SLC10A7: variants seen among roughly 807,000 people sequenced by gnomAD.
The protein encoded by SLC10A7 is sodium/bile acid cotransporter 7.
A neutral mutation model predicts 43.2 loss-of-function variants in SLC10A7; 29 were observed. The ratio of observed to expected loss-of-function variants is 0.67; its 90% CI spans 0.50 to 0.92. The LOEUF (loss-of-function observed/expected upper bound fraction) is 0.92, where lower values mean the gene tolerates loss of function less well. Ranked by LOEUF, SLC10A7 falls within the 40% of genes least tolerant of loss-of-function variation. The pLI is 0.00. For missense variants in SLC10A7, 295 were observed against 403.2 expected, an observed-to-expected ratio of 0.73 and a Z score of 2.30; for synonymous variants, 152 against 144.8, an observed-to-expected ratio of 1.05 and a Z score of -0.35.
At chr4:146,326,120 A>C (rs1243067002) in intron 5 of SLC10A7, 124 bp from the exon 6 acceptor site, 2 of 732,314 alleles carry the variant, frequency 2.7e-6, no homozygotes, top group Admixed American at 5.9e-5. Flanking sequence ...AAAATCTAGG[A>C]GATAAAGAGG....
intron 4 of SLC10A7, among the ~76,000 whole-genome samples, chr4:146,501,128 C>T (rs1357072780): frequency 1.3e-5 from 2 of 152,138 alleles, no homozygotes; most frequent in Non-Finnish European, 2.9e-5. Flanking sequence ...AGTCCTTGAA[C>T]CTCTTCTCTT....
intron 6 of SLC10A7, among the ~76,000 whole-genome samples, chr4:146,307,884 C>T (rs1027836853): frequency 3.3e-5 from 5 of 151,768 alleles, no homozygotes; most frequent in African/African-American, 9.7e-5. Context: ...TTTAAGCACC[C>T]CAAAATAAAG....
intron 6 of SLC10A7, 33 bp downstream of exon 6, chr4:146,325,928 A>G: frequency 6.3e-7 from 1 of 1,589,674 alleles, no homozygotes; most frequent in East Asian, 2.3e-5. Context: ...AGCTTTTAAT[A>G]AAATATATTA....
intron 5 of SLC10A7, among the ~76,000 whole-genome samples, chr4:146,374,641 C>CACACACAG (rs1553963535): frequency 4.2e-5 from 6 of 142,890 alleles, no homozygotes; most frequent in African/African-American, 1.6e-4. Context: ...CACACACACA[C>CACACACAG]ACACACACAC....
At chr4:146,396,777 C>T (rs1056553067) in intron 5 of SLC10A7, among the ~76,000 whole-genome samples, 29 of 150,392 alleles carry the variant, frequency 1.9e-4, no homozygotes, top group African/African-American at 5.9e-4. Context: ...ACACAAATTC[C>T]GGACCACTAC....
At chr4:146,474,666 T>A (rs1733879462) in intron 4 of SLC10A7, among the ~76,000 whole-genome samples, 1 of 152,164 alleles carries the variant, frequency 6.6e-6, no homozygotes, top group Non-Finnish European at 1.5e-5. Flanking sequence ...AATTATAGTA[T>A]GATTTCCAGC....
At chr4:146,317,880 T>G (rs921597841) in intron 6 of SLC10A7, among the ~76,000 whole-genome samples, 5 of 152,004 alleles carry the variant, frequency 3.3e-5, no homozygotes, top group Admixed American at 3.3e-4. Flanking sequence ...GGCCTTGGAC[T>G]GAATTACATC....
At chr4:146,434,098 T>A (rs1258711644) in intron 5 of SLC10A7, among the ~76,000 whole-genome samples, 3 of 152,046 alleles carry the variant, frequency 2.0e-5, no homozygotes, top group Non-Finnish European at 4.4e-5. Flanking sequence ...AAAATCAAGT[T>A]ATCAGAGTAG....
chr4:146,325,730 T>C (rs1733058344), intron 6 of SLC10A7, among the ~76,000 whole-genome samples: 1 of 152,192 alleles, frequency 6.6e-6, no homozygotes, highest in African/African-American at 2.4e-5. Flanking sequence ...AATATAATGA[T>C]TTAGCCAGGA....
intron 3 of SLC10A7, among the ~76,000 whole-genome samples, chr4:146,507,833 G>A (rs932455903): frequency 6.6e-6 from 1 of 152,134 alleles, no homozygotes; most frequent in Non-Finnish European, 1.5e-5. Flanking sequence ...TTCAAATTAG[G>A]GAGGGGAAGG....
chr4:146,281,333 A>G (rs1188314706), intron 10 of SLC10A7, among the ~76,000 whole-genome samples: 1 of 150,726 alleles, frequency 6.6e-6, no homozygotes, highest in Admixed American at 6.6e-5. Context: ...AACAGAGAAA[A>G]CCCTTTCTGG....
At chr4:146,466,398 A>C (rs1335295775) in intron 4 of SLC10A7, among the ~76,000 whole-genome samples, 1 of 151,810 alleles carries the variant, frequency 6.6e-6, no homozygotes, top group Non-Finnish European at 1.5e-5. Context: ...AAGTGGCCCC[A>C]CTTGGCTCCC....
At chr4:146,335,288 T>G (rs1733818019) in intron 5 of SLC10A7, among the ~76,000 whole-genome samples, 1 of 130,090 alleles carries the variant, frequency 7.7e-6, no homozygotes, top group Non-Finnish European at 1.6e-5. Flanking sequence ...AAAAGAGTCC[T>G]GGATCAGAGC....
chr4:146,302,646 A>C (rs1731240560), intron 7 of SLC10A7, among the ~76,000 whole-genome samples: 1 of 152,142 alleles, frequency 6.6e-6, no homozygotes, highest in Non-Finnish European at 1.5e-5. Flanking sequence ...AAGACACTCT[A>C]AACAGAAAGA....
intron 5 of SLC10A7, among the ~76,000 whole-genome samples, chr4:146,437,134 G>GT (rs1730277023): frequency 1.3e-5 from 2 of 152,060 alleles, no homozygotes; most frequent in Non-Finnish European, 2.9e-5. Flanking sequence ...TGGACTCTGA[G>GT]TATATGTGTG....
chr4:146,284,218 C>G (rs1729734256), intron 9 of SLC10A7, among the ~76,000 whole-genome samples: 1 of 152,128 alleles, frequency 6.6e-6, no homozygotes, highest in African/African-American at 2.4e-5. Flanking sequence ...TGAACTCTGA[C>G]AGAAGAGTTA....
chr4:146,382,013 A>G (rs763974266), intron 5 of SLC10A7, among the ~76,000 whole-genome samples: 4 of 152,080 alleles, frequency 2.6e-5, no homozygotes, highest in Non-Finnish European at 5.9e-5. Flanking sequence ...ATGTCTCCCA[A>G]TCTTAGAGAA....
chr4:146,404,030 C>CTTTTGT (rs141674946), intron 5 of SLC10A7, among the ~76,000 whole-genome samples: 1,615 of 152,014 alleles, frequency 0.011, 20 homozygotes, highest in African/African-American at 0.036. Context: ...CAACAGTGTG[C>CTTTTGT]TTTTGTTTTT....
intron 5 of SLC10A7, among the ~76,000 whole-genome samples, chr4:146,368,251 A>G (rs1216485236): frequency 6.6e-6 from 1 of 152,206 alleles, no homozygotes; most frequent in Non-Finnish European, 1.5e-5. Flanking sequence ...CAAGGGTAAG[A>G]GCAGAGAAAT....
Sources: allele counts gnomAD v4.1 joint callset (sites outside exome capture counted in the v4.1 genomes callset), GRCh38; gene constraint gnomAD v4.1.1; transcripts MANE v1.5; gene names NCBI Gene and HGNC (gene_info 2026-07-23, HGNC 2026-07-21).